Variants in PTPN13 observed in about 807,000 individuals in gnomAD.
The protein encoded by PTPN13 is protein tyrosine phosphatase non-receptor type 13.
Under a neutral mutation model 284.0 loss-of-function variants are expected in PTPN13, and 191 were observed. The observed-to-expected ratio is 0.67, with a 90% CI of 0.60 to 0.76. The LOEUF is 0.76. Ranked by LOEUF, PTPN13 falls within the 30% of genes least tolerant of loss-of-function variation. The pLI is 0.00. For synonymous variants in PTPN13, 986 were observed against 1,022.3 expected (o/e 0.96, Z 0.68); for missense variants, 2,797 against 2,939.9 (o/e 0.95, Z 1.12).
At chr4:86,787,673 A>G (rs780609172) in intron 40 of PTPN13, among the ~76,000 whole-genome samples, 3 of 151,886 alleles carry the variant, frequency 2.0e-5, no homozygotes, top group Non-Finnish European at 4.4e-5. Context: ...TTTGATTTCT[A>G]CCTTTCCACT....
intron 7 of PTPN13, among the ~76,000 whole-genome samples, chr4:86,713,408 G>C (rs944970620): frequency 6.6e-6 from 1 of 151,874 alleles, no homozygotes; most frequent in African/African-American, 2.4e-5. Context: ...ATTTAAATTA[G>C]TATTAAATAA....
intron 7 of PTPN13, among the ~76,000 whole-genome samples, chr4:86,710,472 A>G (rs1732266350): frequency 6.6e-6 from 1 of 152,220 alleles, no homozygotes; most frequent in Non-Finnish European, 1.5e-5. Context: ...AAAATTGTAG[A>G]CTTTAATGTT....
chr4:86,797,482 A>T (rs1236610854), intron 41 of PTPN13, among the ~76,000 whole-genome samples: 4 of 151,416 alleles, frequency 2.6e-5, no homozygotes, highest in Non-Finnish European at 5.9e-5. Context: ...ACAGAGCAAG[A>T]CTCTGTCTCA....
chr4:86,686,770 A>G lies in PTPN13; in HGVS notation c.355A>G (p.Ser119Gly), dbSNP rs750018559. The G allele has an allele frequency of 1.9e-6, 3 of 1,569,582 alleles. No individual in the cohort carries two copies. Among genetic ancestry groups the G allele is most frequent in the Non-Finnish European group, 2.6e-6 (3 of 1,154,334 alleles). The change falls in exon 4 of 48, where the codon AGC (serine) becomes GGC (glycine). Residue 119 changes from serine to glycine, a missense_variant. Ser to Gly is a moderately conservative substitution (Grantham distance 56, BLOSUM62 0). Coordinates refer to ENST00000411767, the MANE Select transcript of PTPN13 (RefSeq NM_080683.3). Reference protein sequence around the residue: ...YWGADYEVPQSQPIKLGDHLN... With the variant: ...YWGADYEVPQGQPIKLGDHLN... ...GGGGGCTGATTATGAAGTGCCTCAG[A>G]GCCAAGTAAGTTAAGTTTTTACAGT...
At chr4:86,732,001 A>C (rs1295714440) in intron 10 of PTPN13, among the ~76,000 whole-genome samples, 2 of 152,194 alleles carry the variant, frequency 1.3e-5, no homozygotes, top group Admixed American at 1.3e-4. Flanking sequence ...CAATCACTTC[A>C]TGCATTAGCA....
chr4:86,810,977 C>A, intron 46 of PTPN13, 69 bp from the exon 47 acceptor site: 1 of 1,474,350 alleles, frequency 6.8e-7, no homozygotes, highest in Non-Finnish European at 9.4e-7. Context: ...AGCCTCCCCT[C>A]TGTGATCCTT....
chr4:86,775,177 G>A lies in PTPN13; in HGVS notation c.5515G>A (p.Asp1839Asn). ...KPGDRLIKVN[D>N]TDVTNMTHTD... ...CCCTTTCTTGTTTTTGTAGGTTAAT[G>A]ATACAGATGTTACTAATATGACTCA... The change falls in exon 34 of 48, where the codon GAT becomes AAT. Residue 1839 changes from aspartate (D) to asparagine (N), a missense_variant. Coordinates refer to ENST00000411767, the MANE Select transcript of PTPN13 (RefSeq NM_080683.3). The A allele has an allele frequency of 6.3e-7, 1 of 1,586,380 alleles. No homozygotes were observed. The highest frequency in any genetic ancestry group is 1.2e-5 in the South Asian group (1 of 85,326).
At chr4:86,638,001 T>A (rs1723246459) in intron 2 of PTPN13, among the ~76,000 whole-genome samples, 1 of 151,986 alleles carries the variant, frequency 6.6e-6, no homozygotes, top group Non-Finnish European at 1.5e-5. Context: ...AAAATCAATG[T>A]ACAAAAATCA....
intron 9 of PTPN13, among the ~76,000 whole-genome samples, chr4:86,720,740 A>T (rs1241362550): frequency 6.6e-6 from 1 of 152,154 alleles, no homozygotes; most frequent in Non-Finnish European, 1.5e-5. Flanking sequence ...TACATATTGC[A>T]TGCTTCTTGA....
chr4:86,711,976 G>A (rs1034866900), intron 7 of PTPN13, among the ~76,000 whole-genome samples: 2 of 151,864 alleles, frequency 1.3e-5, no homozygotes, highest in Admixed American at 6.6e-5. Context: ...GCATCTTTTT[G>A]GTTTAAAAAA....
At chr4:86,629,439 C>A (rs1722214393) in intron 1 of PTPN13, among the ~76,000 whole-genome samples, 1 of 151,412 alleles carries the variant, frequency 6.6e-6, no homozygotes. Context: ...ATTAAAAAGT[C>A]AGGAAACAAC....
At chr4:86,710,470 A>G (rs1446932030) in intron 7 of PTPN13, among the ~76,000 whole-genome samples, 3 of 152,234 alleles carry the variant, frequency 2.0e-5, no homozygotes, top group Non-Finnish European at 4.4e-5. Context: ...TGAAAATTGT[A>G]GACTTTAATG....
chr4:86,770,613 GTGAA>G (rs1214920182), intron 30 of PTPN13, among the ~76,000 whole-genome samples: 2 of 152,160 alleles, frequency 1.3e-5, no homozygotes, highest in African/African-American at 4.8e-5. Flanking sequence ...ATAGGAAAAA[GTGAA>G]TGAAACTCTC....
chr4:86,705,151 C>T (rs565776623), intron 7 of PTPN13, among the ~76,000 whole-genome samples: 14 of 151,846 alleles, frequency 9.2e-5, no homozygotes, highest in South Asian at 6.2e-4. Flanking sequence ...CTGGCTAACA[C>T]GGTGAAACCC....
At position 86,797,680 on chromosome 4, in the gene PTPN13, A is replaced by G. The variant is rs778222928; in HGVS notation, c.6401+751A>G. ...ATCATGATAGTGACTGTCTTCACCT[A>G]TTGGGTTATGGGTCATTTATTTTTC... On this transcript the variant is annotated intron_variant, in intron 41 of 47. Transcript: ENST00000411767. 2.6e-5 allele frequency among the ~76,000 whole-genome samples: 4 copies of G among 152,064 alleles called. No individual in the cohort carries two copies. The South Asian group carries it at 6.2e-4, about 24-fold the overall frequency.
In PTPN13 at chr4:86,763,110, A is replaced by T. The variant is rs757927588; in HGVS notation, c.3937A>T (p.Thr1313Ser). ...KTKKPGISDV[T>S]DYSDRGDSDM... ...TAAAAAGCCAGGCATTTCTGATGTA[A>T]CTGATTACTCAGACCGTGGAGATTC... Residue 1313 changes from threonine (T) to serine (S), a missense_variant, in exon 24 of 48, where the codon ACT becomes TCT. By Grantham distance (58) the Thr-to-Ser change is moderately conservative. Coordinates refer to ENST00000411767, the MANE Select transcript of PTPN13 (RefSeq NM_080683.3). 2.5e-6 allele frequency: 4 copies of T among 1,613,948 alleles called. No individual in the cohort carries two copies. The highest frequency in any genetic ancestry group is 3.4e-6 in the Non-Finnish European group (4 of 1,179,868).
chr4:86,687,501 A>G (rs1212197843), intron 4 of PTPN13, among the ~76,000 whole-genome samples: 1 of 152,224 alleles, frequency 6.6e-6, no homozygotes, highest in Non-Finnish European at 1.5e-5. Context: ...AGTCAAAACC[A>G]AAAATAACTA....
intron 2 of PTPN13, among the ~76,000 whole-genome samples, chr4:86,636,879 T>C (rs1723081925): frequency 1.3e-5 from 2 of 151,936 alleles, no homozygotes; most frequent in African/African-American, 4.8e-5. Flanking sequence ...AAAAAATTAA[T>C]GAATCCAGGA....
chr4:86,601,993 C>T (rs567191280), intron 1 of PTPN13, among the ~76,000 whole-genome samples: 79 of 152,318 alleles, frequency 5.2e-4, no homozygotes, highest in South Asian at 1.9e-3. Context: ...TAGCTTTAAT[C>T]ATCTGAGTTC....
Sources: gnomAD v4.1 joint callset for allele counts (sites outside exome capture counted in the v4.1 genomes callset) on GRCh38, gnomAD v4.1.1 for gene constraint, MANE v1.5 for transcripts, NCBI Gene and HGNC (gene_info 2026-07-23, HGNC 2026-07-21) for gene names.